The following MAP3K1 variants were observed in gnomAD, a reference collection of about 807,000 sequenced individuals.
MAP3K1 encodes the protein mitogen-activated protein kinase kinase kinase 1, also known as MAP/ERK kinase kinase 1.
A neutral mutation model predicts 144.2 loss-of-function variants in MAP3K1; 36 were observed. The observed-to-expected ratio is 0.25, with a 90% CI of 0.19 to 0.33. The LOEUF is 0.33. Among genes scored for constraint, MAP3K1 ranks in the 10% least tolerant of loss-of-function variants. The probability of loss-of-function intolerance (pLI) is 1.00; values close to 1 mark genes in which losing one functional copy is unlikely to be tolerated. For missense variants in MAP3K1, 1,650 were observed against 1,881.9 expected (o/e 0.88, Z 2.28); for synonymous variants, 718 against 688.7 (o/e 1.04, Z -0.67).
chr5:56,864,618 C>A, intron 3 of MAP3K1, 116 bp from the exon 4 acceptor site: 2 of 1,027,352 alleles, frequency 1.9e-6, no homozygotes, highest in Non-Finnish European at 1.5e-6. Context: ...CATGATCCGC[C>A]CTCCTCGGCC....
rs1349299820 is a variant in MAP3K1, at chr5:56,882,589, C to T, written c.3389C>T (p.Ser1130Phe). The T allele has an allele frequency of 1.2e-6, 2 of 1,613,982 alleles. No homozygotes were observed. The highest frequency in any genetic ancestry group is 1.3e-5 in the African/African-American group (1 of 74,916). ...TTAGATGTCAATACAGAGCTCAACT[C>T]CAGTATTGAGGACCTTCTTGAAGCA... ...CRLDVNTELN[S>F]SIEDLLEASM... Residue 1130 changes from serine (S) to phenylalanine (F), a missense_variant, in exon 14 of 20, where the codon TCC (serine) becomes TTC (phenylalanine). Transcript: ENST00000399503.
chr5:56,870,675 T>TA (rs1170090773), intron 6 of MAP3K1, among the ~76,000 whole-genome samples: 2 of 152,164 alleles, frequency 1.3e-5, no homozygotes, highest in African/African-American at 4.8e-5. Flanking sequence ...TTACTTTATA[T>TA]ATCAAGAATA....
intron 14 of MAP3K1, 38 bp downstream of exon 14, chr5:56,882,904 TG>T (rs1748269623): frequency 6.6e-7 from 1 of 1,519,770 alleles, no homozygotes; most frequent in Non-Finnish European, 9.0e-7. Flanking sequence ...AAAACTTCCT[TG>T]GGGCTGGGCA....
chr5:56,882,359 C>G lies in MAP3K1; in HGVS notation c.3159C>G (p.Pro1053=), dbSNP rs765517283. The part of the protein sequence containing the change: ...SPVFTQSRPL[P]SSNIHRPKPS... The stretch of plus-strand genomic sequence containing the variant: ...TCTTTACTCAGTCAAGACCCTTGCC[C>G]TCCAGTAACATACACAGGCCAAAGC... Residue 1053 remains proline, a synonymous_variant, in exon 14 of 20, where the codon CCC becomes CCG. Coordinates refer to ENST00000399503, the MANE Select transcript of MAP3K1 (RefSeq NM_005921.2). 1.2e-5 allele frequency: 19 copies of G among 1,614,044 alleles called. No homozygotes were observed. The highest frequency in any genetic ancestry group is 1.4e-5 in the Non-Finnish European group (17 of 1,180,034).
In MAP3K1 at chr5:56,815,891, G is replaced by C; in HGVS notation, c.318G>C (p.Gln106His). The change falls in exon 1 of 20, where the codon CAG (glutamine) becomes CAC (histidine). Residue 106 changes from glutamine (Q) to histidine (H), a missense_variant. Transcript: ENST00000399503. ...ADAAGSGTGF[Q>H]PVAVPPPHGA... is the part of the protein sequence containing the mutation. ...CAGCGGGGAGTGGGACCGGCTTCCAGCCTGTGGCGGTGCCGCCGCCCCACG... is the reference window on the plus strand; with the variant it reads ...CAGCGGGGAGTGGGACCGGCTTCCACCCTGTGGCGGTGCCGCCGCCCCACG... The C allele has an allele frequency of 2.3e-6, 3 of 1,322,582 alleles. No homozygotes were observed. Among genetic ancestry groups the C allele is most frequent in the Non-Finnish European group, 2.9e-6 (3 of 1,036,344 alleles). The allele number at this position is 1,322,582 out of a possible 1,614,324, so 81.9% of individuals were successfully genotyped here. A position where few individuals can be genotyped will look rare whatever the true frequency, so the allele number is the denominator to read the frequency against.
intron 1 of MAP3K1, among the ~76,000 whole-genome samples, chr5:56,819,903 A>G (rs911259333): frequency 5.9e-5 from 9 of 152,254 alleles, no homozygotes; most frequent in Non-Finnish European, 1.2e-4. Flanking sequence ...GATTAGGAGT[A>G]ACCCAAAGTT....
At chr5:56,865,221 AAT>A in intron 4 of MAP3K1, 117 bp from the exon 5 acceptor site, 1 of 697,954 alleles carries the variant, frequency 1.4e-6, no homozygotes, top group South Asian at 1.7e-5. Flanking sequence ...GATAATGAAG[AAT>A]ATGAATTAAT....
intron 19 of MAP3K1, 62 bp from the exon 20 acceptor site, chr5:56,893,469 A>T (rs763153552): frequency 1.7e-5 from 27 of 1,549,124 alleles, no homozygotes; most frequent in Non-Finnish European, 2.4e-5. Context: ...GTCTATGCAC[A>T]TGTGTTTCTG....
Position 56,815,951 on chromosome 5 carries a change from G to A in MAP3K1, c.378G>A (p.Glu126=), listed in dbSNP as rs1745939426. The A allele has an allele frequency of 3.2e-6, 4 of 1,259,670 alleles. No individual in the cohort carries two copies. Among genetic ancestry groups the A allele is most frequent in the Admixed American group, 4.0e-5 (1 of 25,316 alleles). 78.0% of individuals were successfully genotyped at this position (1,259,670 alleles called of 1,614,324 possible). A position where few individuals can be genotyped will look rare whatever the true frequency, so the allele number is the denominator to read the frequency against. The stretch of plus-strand genomic sequence containing the variant: ...GCCGCGGCGGCGCCCACCTTACCGA[G>A]TCGGTGGCGGCGCCGGACAGCGGCG... ...AASRGGAHLT[E]SVAAPDSGAS... Residue 126 remains glutamate (E), a synonymous_variant, in exon 1 of 20, where the codon GAG becomes GAA. Coordinates refer to ENST00000399503, the MANE Select transcript of MAP3K1 (RefSeq NM_005921.2).
chr5:56,857,441 G>A (rs1383174658), intron 2 of MAP3K1, among the ~76,000 whole-genome samples: 1 of 152,052 alleles, frequency 6.6e-6, no homozygotes, highest in Non-Finnish European at 1.5e-5. Context: ...AAAGGAAGAA[G>A]TATTACAGTA....
intron 1 of MAP3K1, among the ~76,000 whole-genome samples, chr5:56,831,958 T>TA (rs1430062104): frequency 6.6e-6 from 1 of 152,228 alleles, no homozygotes; most frequent in Non-Finnish European, 1.5e-5. Flanking sequence ...CAGGTGTCTT[T>TA]AGTGGAAAGA....
chr5:56,851,078 C>G (rs1747154714), intron 1 of MAP3K1, among the ~76,000 whole-genome samples: 1 of 151,840 alleles, frequency 6.6e-6, no homozygotes, highest in East Asian at 1.9e-4. Flanking sequence ...TCCCTACTAG[C>G]TGGGATTACA....
intron 3 of MAP3K1, among the ~76,000 whole-genome samples, chr5:56,860,497 A>G (rs1163307336): frequency 1.3e-5 from 2 of 152,182 alleles, no homozygotes; most frequent in African/African-American, 4.8e-5. Context: ...ATGATTATTT[A>G]GATTTGGGTA....
intron 1 of MAP3K1, chr5:56,820,568 T>A: frequency 2.0e-6 from 2 of 985,272 alleles, no homozygotes; most frequent in Non-Finnish European, 2.4e-6. Context: ...AGAGGGTTAG[T>A]CATTAGTGTT....
Position 56,881,751 on chromosome 5 carries a change from A to C in MAP3K1, c.2551A>C (p.Arg851=), listed in dbSNP as rs1748214767. 6.2e-7 allele frequency: 1 copy of C among 1,614,046 alleles called. No homozygotes were observed. Among genetic ancestry groups the C allele is most frequent in the African/African-American group, 1.3e-5 (1 of 74,920 alleles). ...TGTTTCCAGTTCCACTCACTTCACC[A>C]GGATGCGTCGCCGTTTGATGGCTAT... is the stretch of plus-strand genomic sequence containing the variant. ...LSVSSSTHFT[R]MRRRLMAIAD... The change falls in exon 14 of 20, where the codon AGG becomes CGG. Residue 851 remains arginine, a synonymous_variant. Coordinates refer to ENST00000399503, the MANE Select transcript of MAP3K1 (RefSeq NM_005921.2).
intron 19 of MAP3K1, among the ~76,000 whole-genome samples, chr5:56,891,146 ACAC>A (rs1433445104): frequency 3.9e-4 from 14 of 35,710 alleles, no homozygotes; most frequent in Non-Finnish European, 8.7e-4. Context: ...AGACACACAC[ACAC>A]CCCCCCCCCC....
rs1481513003 is a variant in MAP3K1 at position 56,887,364 on chromosome 5, G to A, written c.4115-14G>A. 4 of 1,613,886 alleles carry A rather than the reference G, an allele frequency of 2.5e-6. No homozygotes were observed. The highest frequency in any genetic ancestry group is 2.2e-5 in the East Asian group (1 of 44,896). The stretch of plus-strand genomic sequence containing the variant: ...TTTTTAACATACAAGGTCATTTGCT[G>A]TGTTTGTTGACAGGTGCCAATTTGC... On this transcript the variant is annotated splice_polypyrimidine_tract_variant and intron_variant, in intron 17 of 19. Transcript: ENST00000399503.
rs1225149068 is a variant in MAP3K1 at position 56,859,724 on chromosome 5, C to G, written c.643C>G (p.Pro215Ala). The G allele has an allele frequency of 2.1e-5, 34 of 1,613,420 alleles. No individual in the cohort carries two copies. The highest frequency in any genetic ancestry group is 2.9e-5 in the Non-Finnish European group (34 of 1,179,724). Residue 215 changes from proline (P) to alanine (A), a missense_variant, in exon 3 of 20, where the codon CCA (proline) becomes GCA (alanine). Pro to Ala is a conservative substitution (Grantham distance 27, BLOSUM62 -1). Transcript: ENST00000399503. ...GAATACTTTGATTCAGGTGGTAAAA[C>G]CAATCCCAGTTAAAGGAGATGGATC... ...RNRRGPVVVK[P>A]IPVKGDGSEM... is the part of the protein sequence containing the mutation.
intron 1 of MAP3K1, among the ~76,000 whole-genome samples, chr5:56,855,314 A>G (rs1027489755): frequency 6.6e-6 from 1 of 152,136 alleles, no homozygotes; most frequent in Admixed American, 6.6e-5. Context: ...ATACTTTTTG[A>G]AAGTCTCATA....
Sources: gnomAD v4.1 joint callset for allele counts (sites outside exome capture counted in the v4.1 genomes callset) on GRCh38, gnomAD v4.1.1 for gene constraint, MANE v1.5 for transcripts, NCBI Gene and HGNC (gene_info 2026-07-23, HGNC 2026-07-21) for gene names.